NRG1: variants seen among roughly 807,000 people sequenced by gnomAD.
NRG1 encodes neuregulin 1.
Under a neutral mutation model 63.8 loss-of-function variants are expected in NRG1, and 18 were observed. The observed-to-expected ratio is 0.28, with a 90% CI of 0.19 to 0.42. NRG1 has a LOEUF of 0.42. Among genes scored for constraint, NRG1 ranks in the 10% least tolerant of loss-of-function variants. The pLI is 1.00. For synonymous variants in NRG1, 302 were observed against 301.3 expected (o/e 1.00, Z -0.02); for missense variants, 762 against 814.7 (o/e 0.94, Z 0.79).
intron 7 of NRG1, among the ~76,000 whole-genome samples, chr8:32,751,557 G>T (rs1828733659): frequency 1.3e-5 from 2 of 152,162 alleles, no homozygotes; most frequent in African/African-American, 4.8e-5. Context: ...CACATTCATA[G>T]TGTGGGATCA....
chr8:32,518,866 T>G (rs1249726723), intron 1 of NRG1, among the ~76,000 whole-genome samples: 1 of 152,174 alleles, frequency 6.6e-6, no homozygotes, highest in Non-Finnish European at 1.5e-5. Flanking sequence ...TAATTAAAAA[T>G]CTGGTTCAGT....
chr8:32,337,720 GA>G (rs35008877), intron 1 of NRG1, among the ~76,000 whole-genome samples: 73,774 of 131,576 alleles, frequency 0.56, 20,229 homozygotes, highest in Non-Finnish European at 0.63. Context: ...GAGCTATTAA[GA>G]AAAACACATT....
At chr8:32,483,720 G>C (rs1825573066) in intron 1 of NRG1, among the ~76,000 whole-genome samples, 1 of 152,216 alleles carries the variant, frequency 6.6e-6, no homozygotes, top group East Asian at 1.9e-4. Context: ...ACTGAGAAGA[G>C]GGGATGTGGG....
chr8:31,953,100 C>T (rs184380154), intron 1 of NRG1, among the ~76,000 whole-genome samples: 47 of 150,684 alleles, frequency 3.1e-4, no homozygotes, highest in Non-Finnish European at 5.2e-4. Flanking sequence ...CAGTAAAAAG[C>T]AAAAAGGGTT....
chr8:32,172,389 A>G (rs1198627211), intron 1 of NRG1, among the ~76,000 whole-genome samples: 1 of 152,212 alleles, frequency 6.6e-6, no homozygotes, highest in African/African-American at 2.4e-5. Context: ...AAGCAGAAAG[A>G]TGAGGAAAAA....
At chr8:31,896,869 A>T (rs1831621151) in intron 1 of NRG1, among the ~76,000 whole-genome samples, 1 of 152,146 alleles carries the variant, frequency 6.6e-6, no homozygotes, top group Non-Finnish European at 1.5e-5. Flanking sequence ...ACTATTTATG[A>T]GTGTCTTCTT....
chr8:31,697,903 T>C (rs969026272), intron 1 of NRG1, among the ~76,000 whole-genome samples: 1 of 151,888 alleles, frequency 6.6e-6, no homozygotes, highest in Non-Finnish European at 1.5e-5. Context: ...TTTCTTTTTT[T>C]TTTTTGATGG....
intron 3 of NRG1, 53 bp downstream of exon 3, chr8:32,605,736 A>G: frequency 6.3e-7 from 1 of 1,594,412 alleles, no homozygotes; most frequent in Non-Finnish European, 8.6e-7. Context: ...GAGTAATCAA[A>G]ACATGTGGTA....
At chr8:32,760,315 A>C in exon 11 of NRG1, 1 of 1,614,120 alleles carries the variant, frequency 6.2e-7, no homozygotes, top group Non-Finnish European at 8.5e-7. Context: ...AGGACGTCTT[A>C]ATGGCACAGG....
At chr8:32,271,506 A>G (rs1851544163) in intron 1 of NRG1, among the ~76,000 whole-genome samples, 1 of 152,154 alleles carries the variant, frequency 6.6e-6, no homozygotes, top group Non-Finnish European at 1.5e-5. Flanking sequence ...CTTCTATATA[A>G]AATTTTTTTC....
intron 1 of NRG1, among the ~76,000 whole-genome samples, chr8:31,795,279 A>G (rs931002969): frequency 3.9e-5 from 6 of 152,180 alleles, no homozygotes; most frequent in Non-Finnish European, 7.3e-5. Flanking sequence ...ATCGAGACAG[A>G]CAGTGCTCCA....
intron 1 of NRG1, among the ~76,000 whole-genome samples, chr8:32,280,566 C>T (rs746708773): frequency 3.3e-5 from 5 of 151,596 alleles, no homozygotes; most frequent in Non-Finnish European, 4.4e-5. Context: ...TCCCAGGGGC[C>T]GTAGAGGGAG....
At chr8:32,060,747 T>A (rs1408998068) in intron 1 of NRG1, among the ~76,000 whole-genome samples, 1 of 151,948 alleles carries the variant, frequency 6.6e-6, no homozygotes, top group Admixed American at 6.6e-5. Flanking sequence ...TTGGACTCCC[T>A]GAAGTTTTTG....
At chr8:32,563,398 A>G (rs1836823679) in intron 1 of NRG1, among the ~76,000 whole-genome samples, 2 of 152,254 alleles carry the variant, frequency 1.3e-5, no homozygotes, top group South Asian at 4.1e-4. Flanking sequence ...AATTTATCTT[A>G]GTGAACACCT....
chr8:32,037,156 T>A (rs1819203136), intron 1 of NRG1, among the ~76,000 whole-genome samples: 1 of 152,226 alleles, frequency 6.6e-6, no homozygotes, highest in African/African-American at 2.4e-5. Context: ...CCTGGCTTTC[T>A]GTTTGTTTTT....
chr8:32,747,134 T>C (rs1827594217), intron 7 of NRG1, among the ~76,000 whole-genome samples: 1 of 152,114 alleles, frequency 6.6e-6, no homozygotes, highest in South Asian at 2.1e-4. Flanking sequence ...AAACTGTAAA[T>C]GCAGTAATAT....
intron 5 of NRG1, among the ~76,000 whole-genome samples, chr8:32,659,340 G>A (rs1428004086): frequency 6.6e-6 from 1 of 151,950 alleles, no homozygotes; most frequent in African/African-American, 2.4e-5. Flanking sequence ...TAGAGACAGG[G>A]TTTCACCATG....
chr8:32,329,668 G>A (rs552748560), intron 1 of NRG1, among the ~76,000 whole-genome samples: 4 of 152,040 alleles, frequency 2.6e-5, no homozygotes, highest in Admixed American at 6.6e-5. Flanking sequence ...GCTCTTGCTC[G>A]TATTAGCTGC....
chr8:32,360,705 C>T (rs949351702), intron 1 of NRG1, among the ~76,000 whole-genome samples: 1 of 152,140 alleles, frequency 6.6e-6, no homozygotes, highest in Non-Finnish European at 1.5e-5. Flanking sequence ...AAACCTGAAC[C>T]AGCATTTTCC....
Sources: gnomAD v4.1 joint callset for allele counts (sites outside exome capture counted in the v4.1 genomes callset) on GRCh38, gnomAD v4.1.1 for gene constraint, MANE v1.5 for transcripts, NCBI Gene and HGNC (gene_info 2026-07-23, HGNC 2026-07-21) for gene names.